The following SPTAN1 variants were observed in gnomAD, a reference collection of about 807,000 sequenced individuals.
SPTAN1 encodes the protein spectrin alpha, non-erythrocytic 1.
A neutral mutation model predicts 331.3 loss-of-function variants in SPTAN1; 61 were observed. The ratio of observed to expected loss-of-function variants is 0.18; its 90% CI spans 0.15 to 0.23. SPTAN1 has a LOEUF of 0.23. Ranked by LOEUF, SPTAN1 falls within the 10% of genes least tolerant of loss-of-function variation. SPTAN1 has a pLI of 1.00. For missense variants in SPTAN1, 2,043 were observed against 3,147.9 expected (o/e 0.65, Z 8.40); for synonymous variants, 1,153 against 1,173.9 (o/e 0.98, Z 0.36).
At chr9:128,631,648 A>G (rs1859747025) in intron 52 of SPTAN1, 1 of 185,116 alleles carries the variant, frequency 5.4e-6, no homozygotes, top group African/African-American at 2.4e-5. Flanking sequence ...CAATGCAGTG[A>G]AACATCGCCT....
Position 128,600,986 on chromosome 9 carries a change from T to TTTTTTTTTTTTC in SPTAN1, c.3579+882_3579+883insCTTTTTTTTTTT, listed in dbSNP as rs1855062849. Reference sequence around the variant, plus strand: ...CCAGGGAGAAAGTCTTTTTTTTTTTTTTTTTTTTTTTTTTTGAGACGGAGT... The same window carrying TTTTTTTTTTTTC: ...CCAGGGAGAAAGTCTTTTTTTTTTTTTTTTTTTTTTTCTTTTTTTTTTTTTTTGAGACGGAGT... On this transcript the variant is annotated intron_variant, in intron 27 of 56. Transcript: ENST00000372739. Among the ~76,000 whole-genome samples the TTTTTTTTTTTTC allele has an allele frequency of 2.1e-5, 2 of 95,436 alleles. 1 individual carries two copies. Among genetic ancestry groups the TTTTTTTTTTTTC allele is most frequent in the Admixed American group, 2.2e-4 (2 of 9,236 alleles). 62.6% of individuals were successfully genotyped at this position (95,436 alleles called of 152,430 possible). A position where few individuals can be genotyped will look rare whatever the true frequency, so the allele number is the denominator to read the frequency against.
rs752146614 is a variant in SPTAN1, at chr9:128,577,489, G to C, written c.1068G>C (p.Arg356=). 1.1e-5 allele frequency: 18 copies of C among 1,613,826 alleles called. No individual in the cohort carries two copies. The highest frequency in any genetic ancestry group is 1.3e-5 in the African/African-American group (1 of 74,912). The change falls in exon 8 of 57, where the codon CGG becomes CGC. Residue 356 remains arginine, a synonymous_variant. Coordinates refer to ENST00000372739, the MANE Select transcript of SPTAN1 (RefSeq NM_001130438.3). This position sits in a 1 kb window ranked among gnomAD's most constrained non-coding sequence, Gnocchi z 4.2. ...IRTLAAERHA[R]LNDSYRLQRF... ...CCTTGGCGGCAGAGAGACATGCACG[G>C]CTCAATGATTCATACAGGTGCAAAT...
chr9:128,582,710 A>G lies in SPTAN1; in HGVS notation c.1667A>G (p.Asn556Ser), dbSNP rs778489951. The G allele has an allele frequency of 9.3e-6, 15 of 1,613,618 alleles. No individual in the cohort carries two copies. The highest frequency in any genetic ancestry group is 4.5e-5 in the East Asian group (2 of 44,894). Residue 556 changes from asparagine to serine, a missense_variant, in exon 14 of 57, where the codon AAT becomes AGT. Around this residue, in one of 12 missense-constraint regions of SPTAN1, gnomAD observed 1,038 missense variants for 1,531.5 expected, o/e 0.68. Transcript: ENST00000372739. The part of the protein sequence containing the change: ...TRRDALLSRR[N>S]ALHERAMRRR... ...GTCTTTCAGCTGTTGAGCCGCCGCA[A>G]TGCCCTTCACGAGAGAGCCATGCGT...
chr9:128,613,121 G>A (rs1856756806), intron 39 of SPTAN1, among the ~76,000 whole-genome samples: 1 of 152,050 alleles, frequency 6.6e-6, no homozygotes, highest in African/African-American at 2.4e-5. Context: ...CCTTGAACTA[G>A]GATTGCTGTG....
intron 26 of SPTAN1, 91 bp downstream of exon 26, chr9:128,599,077 T>A (rs764276461): frequency 1.6e-6 from 2 of 1,266,364 alleles, no homozygotes; most frequent in South Asian, 2.4e-5. Context: ...TCATCAGAAT[T>A]GCTGTTCCTG....
intron 23 of SPTAN1, 125 bp downstream of exon 23, chr9:128,593,167 T>A: frequency 9.6e-7 from 1 of 1,045,426 alleles, no homozygotes; most frequent in Non-Finnish European, 1.4e-6. Flanking sequence ...GAACTGCCTG[T>A]CCGTGCAGCA....
intron 32 of SPTAN1, 35 bp downstream of exon 32, chr9:128,607,738 G>A: frequency 1.9e-6 from 3 of 1,610,740 alleles, no homozygotes; most frequent in South Asian, 1.1e-5. Context: ...GCAAAGACGT[G>A]GCTGCTCTGC....
chr9:128,622,088 CCACTT>C, intron 45 of SPTAN1: 1 of 152,550 alleles, frequency 6.6e-6, no homozygotes, highest in South Asian at 2.1e-4. Flanking sequence ...TAGCTAAAAT[CCACTT>C]CACTGGAGAG....
At chr9:128,567,390 C>T (rs1291859390) in intron 2 of SPTAN1, among the ~76,000 whole-genome samples, 3 of 152,180 alleles carry the variant, frequency 2.0e-5, no homozygotes, top group Non-Finnish European at 4.4e-5. Flanking sequence ...CTCCCAGGTT[C>T]GAGTGATTCT....
rs1848791035 is a variant in SPTAN1, at chr9:128,557,639, C to T, written c.-4+4943C>T. Among the ~76,000 whole-genome samples, 3 of 151,772 alleles carry T rather than the reference C, an allele frequency of 2.0e-5. No individual in the cohort carries two copies. The South Asian group carries it at 6.2e-4, about 32-fold the overall frequency. ...AAATTCCCCAAATACCAAGAACTGC[C>T]TCAAACAGCTGTCTCTTGGCGTTCA... On this transcript the variant is annotated intron_variant, in intron 1 of 56. Coordinates refer to ENST00000372739, the MANE Select transcript of SPTAN1 (RefSeq NM_001130438.3).
intron 31 of SPTAN1, among the ~76,000 whole-genome samples, chr9:128,606,374 C>CAAAAAAAA (rs59257779): frequency 0.04 from 2,326 of 57,728 alleles, 214 homozygotes; most frequent in East Asian, 0.061. Flanking sequence ...GACTCTGCCT[C>CAAAAAAAA]AAAAAAAAAA....
At chr9:128,612,560 G>A (rs570832082) in intron 39 of SPTAN1, among the ~76,000 whole-genome samples, 1 of 152,314 alleles carries the variant, frequency 6.6e-6, no homozygotes, top group South Asian at 2.1e-4. Context: ...AACCAAGATA[G>A]TAGCATCTGG....
At position 128,619,019 on chromosome 9, in the gene SPTAN1, A is replaced by G; in HGVS notation, c.5733+16A>G. The G allele has an allele frequency of 6.2e-7, 1 of 1,613,314 alleles. No individual in the cohort carries two copies. Among genetic ancestry groups the G allele is most frequent in the South Asian group, 1.1e-5 (1 of 91,038 alleles). ...CGCCATCCAGGTGAGACAGAAACCA[A>G]AGGTGTCACCTGCTTTCTCTCTTGG... On this transcript the variant is annotated intron_variant, in intron 44 of 56. Transcript: ENST00000372739.
intron 39 of SPTAN1, 36 bp from the exon 40 acceptor site, chr9:128,613,345 C>A: frequency 6.3e-7 from 1 of 1,578,944 alleles, no homozygotes; most frequent in Non-Finnish European, 8.7e-7. Context: ...GTATACACCA[C>A]ACAGTAGCCT....
chr9:128,572,033 AT>A (rs1441486136), intron 3 of SPTAN1, among the ~76,000 whole-genome samples: 6 of 151,706 alleles, frequency 4.0e-5, no homozygotes, highest in Non-Finnish European at 8.8e-5. Context: ...TTTTTTTTGT[AT>A]TTTTAGTAGA....
Position 128,626,504 on chromosome 9 carries a change from C to G in SPTAN1, c.6393C>G (p.Ile2131Met). 1 of 1,614,130 alleles carries G rather than the reference C, an allele frequency of 6.2e-7. No homozygotes were observed. The highest frequency in any genetic ancestry group is 1.1e-5 in the South Asian group (1 of 91,078). The change falls in exon 49 of 57, where the codon ATC (isoleucine) becomes ATG (methionine). Residue 2131 changes from isoleucine to methionine, a missense_variant. Ile to Met is a conservative substitution (Grantham distance 10). Transcript: ENST00000372739. Reference sequence around the variant, plus strand: ...TGCGCTGCAACTCCTTGGAAGAAATCAAAGCTTTGCGCGAGGCCCACGACG... The same window carrying G: ...TGCGCTGCAACTCCTTGGAAGAAATGAAAGCTTTGCGCGAGGCCCACGACG... ...DPVRCNSLEE[I>M]KALREAHDAF...
chr9:128,581,026 T>C lies in SPTAN1; in HGVS notation c.1428T>C (p.Thr476=). Residue 476 remains threonine, a synonymous_variant, in exon 11 of 57, where the codon ACT becomes ACC. Transcript: ENST00000372739. ...ACCTGCAGCTCTTCTACCGGGACAC[T>C]GAGCAGGTGGACAACTGGATGAGCA... ...CMDLQLFYRD[T]EQVDNWMSKQ... 6.2e-7 allele frequency: 1 copy of C among 1,614,132 alleles called. No homozygotes were observed. The highest frequency in any genetic ancestry group is 1.1e-5 in the South Asian group (1 of 91,082).
intron 1 of SPTAN1, among the ~76,000 whole-genome samples, chr9:128,558,472 G>A (rs1848913023): frequency 6.6e-6 from 1 of 152,180 alleles, no homozygotes; most frequent in Admixed American, 6.5e-5. Flanking sequence ...AGACTTGATT[G>A]GCAAAATCAG....
Position 128,598,454 on chromosome 9 carries a change from C to G in SPTAN1, c.3469C>G (p.Leu1157Val). 1 of 1,613,388 alleles carries G rather than the reference C, an allele frequency of 6.2e-7. No individual in the cohort carries two copies. The highest frequency in any genetic ancestry group is 8.5e-7 in the Non-Finnish European group (1 of 1,179,838). ...LKDINKVAEDLESEGLMAEEV... is the reference protein window; with the variant it reads ...LKDINKVAEDVESEGLMAEEV... The stretch of plus-strand genomic sequence containing the variant: ...GGACATTAACAAGGTAGCTGAAGAC[C>G]TGGAGTCTGAAGGTCTCATGGCAGA... Residue 1157 changes from leucine to valine, a missense_variant, in exon 25 of 57, where the codon CTG becomes GTG. By Grantham distance (32) the Leu-to-Val change is conservative. Transcript: ENST00000372739.
Sources: allele counts gnomAD v4.1 joint callset (sites outside exome capture counted in the v4.1 genomes callset), GRCh38; gene constraint gnomAD v4.1.1; regional missense constraint gnomAD v4.1.1; non-coding constraint Gnocchi (gnomAD v3.1); transcripts MANE v1.5; gene names NCBI Gene and HGNC (gene_info 2026-07-23, HGNC 2026-07-21).